The following NKAIN1 variants were observed in gnomAD, a reference collection of about 807,000 sequenced individuals.
NKAIN1 encodes sodium/potassium-transporting ATPase subunit beta-1-interacting protein 1.
A neutral mutation model predicts 31.6 loss-of-function variants in NKAIN1; 13 were observed. The observed-to-expected ratio is 0.41, with a 90% CI of 0.27 to 0.65. The LOEUF is 0.65. Ranked by LOEUF, NKAIN1 falls within the 30% of genes least tolerant of loss-of-function variation. The pLI is 0.30. For missense variants in NKAIN1, 193 were observed against 262.2 expected (o/e 0.74, Z 1.82); for synonymous variants, 104 against 109.0 (o/e 0.95, Z 0.28).
intron 6 of NKAIN1, 40 bp downstream of exon 6, chr1:31,181,820 C>T: frequency 1.3e-6 from 2 of 1,580,932 alleles, no homozygotes; most frequent in Non-Finnish European, 1.7e-6. Context: ...GCAACCCCGA[C>T]GCCCAGGCCT....
intron 1 of NKAIN1, among the ~76,000 whole-genome samples, chr1:31,205,373 A>G (rs148289791): frequency 0.018 from 2,782 of 152,018 alleles, 72 homozygotes; most frequent in African/African-American, 0.063. Flanking sequence ...CAGTGTCACA[A>G]TCTCGGCTTA....
intron 1 of NKAIN1, among the ~76,000 whole-genome samples, chr1:31,238,026 C>T (rs1458545899): frequency 6.6e-6 from 1 of 152,130 alleles, no homozygotes; most frequent in Non-Finnish European, 1.5e-5. Context: ...CCCATTCCAC[C>T]TGATCTTAAT....
At chr1:31,192,559 T>C (rs1305097810) in intron 1 of NKAIN1, among the ~76,000 whole-genome samples, 2 of 152,056 alleles carry the variant, frequency 1.3e-5, no homozygotes, top group African/African-American at 4.8e-5. Flanking sequence ...AAATGAATTT[T>C]TTTTTTTTTG....
chr1:31,198,221 C>CA (rs1645346405), intron 1 of NKAIN1, among the ~76,000 whole-genome samples: 1 of 152,264 alleles, frequency 6.6e-6, no homozygotes, highest in African/African-American at 2.4e-5. Flanking sequence ...CATTCTAGAG[C>CA]AGCAGGCCCC....
intron 1 of NKAIN1, among the ~76,000 whole-genome samples, chr1:31,216,704 T>TATC (rs1645516049): frequency 2.3e-5 from 1 of 43,268 alleles, no homozygotes; most frequent in African/African-American, 1.4e-4. Flanking sequence ...ATTTATTTAT[T>TATC]TATTTATTTA....
intron 5 of NKAIN1, 125 bp from the exon 6 acceptor site, chr1:31,182,066 T>A: frequency 1.0e-6 from 1 of 966,232 alleles, no homozygotes; most frequent in South Asian, 1.5e-5. Context: ...AGAGAAGCCA[T>A]GAGGAGGGGA....
chr1:31,218,448 A>T (rs1645535236), intron 1 of NKAIN1, among the ~76,000 whole-genome samples: 1 of 152,118 alleles, frequency 6.6e-6, no homozygotes, highest in Admixed American at 6.6e-5. Context: ...AATTTGCTGG[A>T]TGGCTCTAAG....
At chr1:31,201,233 G>A (rs915214871) in intron 1 of NKAIN1, among the ~76,000 whole-genome samples, 1 of 152,044 alleles carries the variant, frequency 6.6e-6, no homozygotes, top group Admixed American at 6.6e-5. Flanking sequence ...GTCCCATTAG[G>A]AAACAAAACA....
intron 1 of NKAIN1, among the ~76,000 whole-genome samples, chr1:31,191,697 G>A (rs182162324): frequency 2.4e-4 from 37 of 152,296 alleles, no homozygotes; most frequent in African/African-American, 8.2e-4. Flanking sequence ...GCTCAATCCT[G>A]TATTTCCCAT....
chr1:31,200,025 GCA>G (rs3046275), intron 1 of NKAIN1, among the ~76,000 whole-genome samples: 42 of 49,426 alleles, frequency 8.5e-4, no homozygotes, highest in African/African-American at 1.2e-3. Context: ...ACACACACAC[GCA>G]CACACACACA....
chr1:31,213,399 G>A (rs1415763241), intron 1 of NKAIN1, among the ~76,000 whole-genome samples: 3 of 150,076 alleles, frequency 2.0e-5, no homozygotes, highest in East Asian at 2.0e-4. Flanking sequence ...CACCCACTAG[G>A]GTGGCTCTAA....
At chr1:31,223,687 G>C (rs564978923) in intron 1 of NKAIN1, among the ~76,000 whole-genome samples, 2 of 152,060 alleles carry the variant, frequency 1.3e-5, no homozygotes, top group Non-Finnish European at 2.9e-5. Context: ...CTCGTGATTC[G>C]CCTGCCTCGG....
In NKAIN1 at chr1:31,181,451, C is replaced by G; in HGVS notation, c.*252G>C. 2.5e-6 allele frequency: 1 copy of G among 406,058 alleles called. No homozygotes were observed. Among genetic ancestry groups the G allele is most frequent in the Non-Finnish European group, 4.4e-6 (1 of 229,698 alleles). The allele number at this position is 406,058 out of a possible 1,614,324, so 25.2% of individuals were successfully genotyped here. On this transcript the variant is annotated 3_prime_UTR_variant, in exon 7 of 7. Coordinates refer to ENST00000373736, the MANE Select transcript of NKAIN1 (RefSeq NM_024522.3). ...AGATTAAAAACAAACAAACAAAAAA[C>G]AAAAAACCCGTGGTGCCCCTCCCCC...
chr1:31,236,691 G>A (rs771643347), intron 1 of NKAIN1, among the ~76,000 whole-genome samples: 4 of 152,142 alleles, frequency 2.6e-5, no homozygotes, highest in Non-Finnish European at 4.4e-5. Flanking sequence ...CCACCCAGCC[G>A]GGATGTGGGA....
At chr1:31,184,294 G>C (rs1358080028) in intron 3 of NKAIN1, among the ~76,000 whole-genome samples, 1 of 152,064 alleles carries the variant, frequency 6.6e-6, no homozygotes, top group Non-Finnish European at 1.5e-5. Context: ...CTCAGTACCA[G>C]CCCCTTAACA....
chr1:31,195,657 C>T (rs1283432795), intron 1 of NKAIN1, among the ~76,000 whole-genome samples: 1 of 152,138 alleles, frequency 6.6e-6, no homozygotes, highest in Non-Finnish European at 1.5e-5. Flanking sequence ...TATAATGGCT[C>T]ATGCCTGTAA....
At chr1:31,204,763 G>A (rs1645410442) in intron 1 of NKAIN1, among the ~76,000 whole-genome samples, 1 of 152,220 alleles carries the variant, frequency 6.6e-6, no homozygotes, top group Non-Finnish European at 1.5e-5. Context: ...GCACCTTAAT[G>A]AAGCGGGCAC....
chr1:31,205,622 T>TTG (rs1645417810), intron 1 of NKAIN1, among the ~76,000 whole-genome samples: 2 of 143,956 alleles, frequency 1.4e-5, no homozygotes, highest in Non-Finnish European at 3.1e-5. Flanking sequence ...AGTTTTTTTT[T>TTG]TTTTTTTTTT....
At chr1:31,198,618 C>A (rs908291867) in intron 1 of NKAIN1, among the ~76,000 whole-genome samples, 2 of 152,114 alleles carry the variant, frequency 1.3e-5, no homozygotes, top group South Asian at 2.1e-4. Flanking sequence ...CAATGCCAAC[C>A]CCCCTGCCCT....
Sources: gnomAD v4.1 joint callset for allele counts (sites outside exome capture counted in the v4.1 genomes callset) on GRCh38, gnomAD v4.1.1 for gene constraint, MANE v1.5 for transcripts, NCBI Gene and HGNC (gene_info 2026-07-23, HGNC 2026-07-21) for gene names.